HEATR4: variants seen among roughly 807,000 people sequenced by gnomAD.
HEATR4 encodes HEAT repeat-containing protein 4.
A neutral mutation model predicts 108.8 loss-of-function variants in HEATR4; 95 were observed. The observed-to-expected ratio is 0.87, with a 90% CI of 0.74 to 1.04. The LOEUF is 1.04. Ranked by LOEUF, HEATR4 falls within the 50% of genes least tolerant of loss-of-function variation. The pLI, the probability that HEATR4 is intolerant of heterozygous loss-of-function variation, is 0.00. For synonymous variants in HEATR4, 443 were observed against 459.4 expected, an observed-to-expected ratio of 0.96 and a Z score of 0.46; for missense variants, 1,152 against 1,253.8, an observed-to-expected ratio of 0.92 and a Z score of 1.23.
intron 5 of HEATR4, among the ~76,000 whole-genome samples, chr14:73,518,454 C>G (rs1887765350): frequency 6.6e-6 from 1 of 151,878 alleles, no homozygotes; most frequent in Non-Finnish European, 1.5e-5. Flanking sequence ...CTGTTAGTTT[C>G]TGCACACCAC....
At chr14:73,484,608 G>C (rs1003765964) in intron 17 of HEATR4, among the ~76,000 whole-genome samples, 11 of 151,900 alleles carry the variant, frequency 7.2e-5, no homozygotes, top group African/African-American at 2.7e-4. Context: ...TCGAACTCCT[G>C]GCCCCAAGTG....
chr14:73,616,455 G>C, the HEATR4 span, among the ~76,000 whole-genome samples: 1 of 152,060 alleles, frequency 6.6e-6, no homozygotes, highest in Non-Finnish European at 1.5e-5. Context: ...CACTTTGGGA[G>C]GCCAAGGTGG....
chr14:73,519,892 T>A (rs1887873075), intron 4 of HEATR4: 1 of 151,932 alleles, frequency 6.6e-6, no homozygotes, highest in Admixed American at 6.6e-5. Context: ...GATGCGCGCC[T>A]ATAATCCCAG....
the HEATR4 span, chr14:73,594,015 T>G: frequency 1.0e-6 from 1 of 958,550 alleles, no homozygotes; most frequent in African/African-American, 1.6e-5. Context: ...CAAAGATGTC[T>G]TCTGGAGACT....
chr14:73,507,229 A>C (rs1886914428), intron 9 of HEATR4, among the ~76,000 whole-genome samples: 1 of 152,248 alleles, frequency 6.6e-6, no homozygotes, highest in Admixed American at 6.5e-5. Flanking sequence ...GTAAACTTCT[A>C]GCAGAAGCAA....
At position 73,482,091 on chromosome 14, in the gene HEATR4, T is replaced by C. The variant is rs867487623; in HGVS notation, c.2845-3249A>G. ...TTGTGGGGAGGAAAGGAGGGTTGAA[T>C]AAGTGAAGCACAGGCCGGGCACACT... On this transcript the variant is annotated intron_variant, in intron 17 of 17. Transcript: ENST00000553558. Among the ~76,000 whole-genome samples the C allele has an allele frequency of 7.2e-5, 11 of 151,904 alleles. No homozygotes were observed. In the Middle Eastern group the frequency reaches 0.014, roughly 189 times the overall value.
chr14:73,616,441 G>T, the HEATR4 span, among the ~76,000 whole-genome samples: 3 of 151,644 alleles, frequency 2.0e-5, no homozygotes, highest in Non-Finnish European at 4.4e-5. Context: ...ACCTGTAATC[G>T]CAGCACTTTG....
At chr14:73,596,701 C>G in the HEATR4 span, among the ~76,000 whole-genome samples, 4 of 151,650 alleles carry the variant, frequency 2.6e-5, no homozygotes, top group Non-Finnish European at 5.9e-5. Context: ...TGGGTTCAAG[C>G]GATTCTCCTG....
chr14:73,525,668 T>G (rs538022294), intron 2 of HEATR4, among the ~76,000 whole-genome samples: 1 of 152,170 alleles, frequency 6.6e-6, no homozygotes, highest in South Asian at 2.1e-4. Context: ...GAAAGCACCT[T>G]TAGGCCGGAT....
the HEATR4 span, among the ~76,000 whole-genome samples, chr14:73,597,094 A>T: frequency 3.9e-3 from 582 of 149,422 alleles, 1 homozygote; most frequent in Non-Finnish European, 6.7e-3. Flanking sequence ...TTATTTATTT[A>T]TTTTTTTGAG....
intron 17 of HEATR4, among the ~76,000 whole-genome samples, chr14:73,489,518 T>C (rs1013897086): frequency 2.6e-5 from 4 of 152,202 alleles, no homozygotes; most frequent in African/African-American, 9.6e-5. Flanking sequence ...GTAAAACCTA[T>C]TAATAATCAC....
chr14:73,578,655 T>C, the HEATR4 span, among the ~76,000 whole-genome samples: 1 of 152,026 alleles, frequency 6.6e-6, no homozygotes, highest in Non-Finnish European at 1.5e-5. Flanking sequence ...ATTGATTGAT[T>C]GATTTTAAAA....
the HEATR4 span, chr14:73,619,314 C>T: frequency 6.2e-7 from 1 of 1,613,702 alleles, no homozygotes; most frequent in Non-Finnish European, 8.5e-7. Context: ...TCTTGAAGGG[C>T]ATCACAGCCA....
chr14:73,609,092 C>A, the HEATR4 span, among the ~76,000 whole-genome samples: 1 of 152,148 alleles, frequency 6.6e-6, no homozygotes, highest in Non-Finnish European at 1.5e-5. Flanking sequence ...ACAGCCAAAC[C>A]ATATCAGGTG....
Position 73,518,306 on chromosome 14 carries a change from A to C in HEATR4, c.1210+717T>G, listed in dbSNP as rs559251567. Among the ~76,000 whole-genome samples the C allele has an allele frequency of 8.7e-4, 132 of 151,328 alleles. 1 individual carries two copies. Among genetic ancestry groups the C allele is most frequent in the African/African-American group, 3.0e-3 (125 of 41,190 alleles). ...GTGATTCCAGCTACCCTGGAGGCTG[A>C]GGCAGGGGAATTGCTTGAACCAGGA... On this transcript the variant is annotated intron_variant, in intron 5 of 17. Coordinates refer to ENST00000553558, the MANE Select transcript of HEATR4 (RefSeq NM_001220484.1).
At chr14:73,562,648 A>T (rs1003243955), upstream of HEATR4, among the ~76,000 whole-genome samples, 1 of 151,932 alleles carries the variant, frequency 6.6e-6, no homozygotes, top group African/African-American at 2.4e-5. Context: ...CTGGGAAAGG[A>T]ATGCATTCCT....
chr14:73,626,976 G>C, the HEATR4 span, among the ~76,000 whole-genome samples: 4 of 151,446 alleles, frequency 2.6e-5, no homozygotes, highest in African/African-American at 9.7e-5. Context: ...ATTTTTAGTA[G>C]AGACAGGGTT....
chr14:73,512,253 A>C (rs914613080), intron 6 of HEATR4, 104 bp from the exon 7 acceptor site: 1 of 1,297,172 alleles, frequency 7.7e-7, no homozygotes, highest in Non-Finnish European at 1.1e-6. Flanking sequence ...GAATAATTCA[A>C]GCAAAACATT....
intron 15 of HEATR4, 116 bp from the exon 16 acceptor site, chr14:73,495,503 A>G: frequency 1.2e-6 from 1 of 815,566 alleles, no homozygotes; most frequent in South Asian, 1.8e-5. Flanking sequence ...GGATCACTTG[A>G]GCCCAACAGT....
Sources: gnomAD v4.1 joint callset for allele counts (sites outside exome capture counted in the v4.1 genomes callset) on GRCh38, gnomAD v4.1.1 for gene constraint, MANE v1.5 for transcripts, NCBI Gene and HGNC (gene_info 2026-07-23, HGNC 2026-07-21) for gene names.